Variants in FMNL2 observed in about 807,000 individuals in gnomAD.
FMNL2 encodes the protein formin like 2.
A neutral mutation model predicts 130.2 loss-of-function variants in FMNL2; 51 were observed. The ratio of observed to expected loss-of-function variants is 0.39; its 90% CI spans 0.31 to 0.49. FMNL2 has a LOEUF of 0.49. Ranked by LOEUF, FMNL2 falls within the 20% of genes least tolerant of loss-of-function variation. The probability of loss-of-function intolerance (pLI) is 0.85; values close to 1 mark genes in which losing one functional copy is unlikely to be tolerated. For missense variants in FMNL2, 977 were observed against 1,316.2 expected, an observed-to-expected ratio of 0.74 and a Z score of 3.99; for synonymous variants, 465 against 467.1, an observed-to-expected ratio of 1.00 and a Z score of 0.06.
rs117833274 is a variant in FMNL2, at chr2:152,614,045, A to G, written c.1063-806A>G. 2.5e-4 allele frequency among the ~76,000 whole-genome samples: 38 copies of G among 152,234 alleles called. No homozygotes were observed. In the East Asian group the frequency reaches 6.6e-3, roughly 26 times the overall value. On this transcript the variant is annotated intron_variant, in intron 11 of 25. Coordinates refer to ENST00000288670, the MANE Select transcript of FMNL2 (RefSeq NM_052905.4). ...GTTGGGCTCTAGCAATTTGTGCTAAAATAATCCCCAAGGCTAAGTATAAAC... is the reference window on the plus strand; with the variant it reads ...GTTGGGCTCTAGCAATTTGTGCTAAGATAATCCCCAAGGCTAAGTATAAAC...
At chr2:152,434,537 C>T (rs1005762978) in intron 1 of FMNL2, among the ~76,000 whole-genome samples, 1 of 152,048 alleles carries the variant, frequency 6.6e-6, no homozygotes, top group African/African-American at 2.4e-5. Flanking sequence ...CCCAGCTGGC[C>T]CCTGATTTTA....
intron 1 of FMNL2, among the ~76,000 whole-genome samples, chr2:152,490,710 A>G (rs1035449648): frequency 3.3e-5 from 5 of 149,670 alleles, no homozygotes; most frequent in African/African-American, 4.9e-5. Context: ...CTAAAACTCT[A>G]CAGGAAACAG....
intron 1 of FMNL2, among the ~76,000 whole-genome samples, chr2:152,385,699 A>G (rs991222828): frequency 2.6e-5 from 4 of 152,232 alleles, no homozygotes; most frequent in Admixed American, 2.0e-4. Flanking sequence ...TGCCATAGAA[A>G]TCTGTCAGTG....
At chr2:152,406,411 G>C (rs1456096142) in intron 1 of FMNL2, among the ~76,000 whole-genome samples, 1 of 152,198 alleles carries the variant, frequency 6.6e-6, no homozygotes, top group African/African-American at 2.4e-5. Context: ...ATCAGAGGAA[G>C]AGGAGGAAAG....
At chr2:152,492,999 T>A (rs573707709) in intron 1 of FMNL2, among the ~76,000 whole-genome samples, 91 of 152,128 alleles carry the variant, frequency 6.0e-4, no homozygotes, top group Non-Finnish European at 1.2e-3. Flanking sequence ...CCAACCATAA[T>A]TGTGGATAGA....
At chr2:152,438,720 C>T (rs1687905849) in intron 1 of FMNL2, among the ~76,000 whole-genome samples, 1 of 152,008 alleles carries the variant, frequency 6.6e-6, no homozygotes, top group Non-Finnish European at 1.5e-5. Context: ...AGGGAGGGCT[C>T]TTTGGTTTAG....
intron 10 of FMNL2, among the ~76,000 whole-genome samples, chr2:152,608,562 A>G (rs1475773916): frequency 6.7e-6 from 1 of 149,058 alleles, no homozygotes; most frequent in Non-Finnish European, 1.5e-5. Flanking sequence ...ATATATGTAT[A>G]TATATGTGTC....
chr2:152,635,832 T>A (rs1396639735), intron 21 of FMNL2, among the ~76,000 whole-genome samples: 3 of 152,172 alleles, frequency 2.0e-5, no homozygotes, highest in African/African-American at 7.2e-5. Context: ...ATACAACCTA[T>A]GGTCAACCGA....
chr2:152,405,685 A>C (rs1229619040), intron 1 of FMNL2, among the ~76,000 whole-genome samples: 1 of 152,212 alleles, frequency 6.6e-6, no homozygotes, highest in African/African-American at 2.4e-5. Context: ...TTTAGAAACA[A>C]AGGCCAAGTT....
chr2:152,584,130 T>C (rs1276784800), intron 9 of FMNL2, among the ~76,000 whole-genome samples: 2 of 150,564 alleles, frequency 1.3e-5, no homozygotes, highest in African/African-American at 4.9e-5. Flanking sequence ...GTGAGTGAAT[T>C]TTTTTTTTTT....
chr2:152,578,851 T>A (rs1306306722), intron 7 of FMNL2, 37 bp from the exon 8 acceptor site: 1 of 1,564,774 alleles, frequency 6.4e-7, no homozygotes, highest in Non-Finnish European at 8.7e-7. Flanking sequence ...TGTCTCCCAA[T>A]GCTTTGTGTT....
At chr2:152,598,254 C>T (rs1017047493) in intron 9 of FMNL2, among the ~76,000 whole-genome samples, 1 of 152,186 alleles carries the variant, frequency 6.6e-6, no homozygotes, top group African/African-American at 2.4e-5. Flanking sequence ...ATTGGATATG[C>T]TCAAAGGATG....
chr2:152,399,462 G>A (rs369248099), intron 1 of FMNL2, among the ~76,000 whole-genome samples: 56 of 152,300 alleles, frequency 3.7e-4, no homozygotes, highest in Middle Eastern at 6.8e-3. Context: ...TCATAGTATT[G>A]AAAGGAAGTA....
chr2:152,412,665 A>G (rs1686386203), intron 1 of FMNL2, among the ~76,000 whole-genome samples: 1 of 151,168 alleles, frequency 6.6e-6, no homozygotes, highest in Non-Finnish European at 1.5e-5. Context: ...AAAATTAGCC[A>G]GGTGTGGTTG....
At chr2:152,473,733 A>T (rs1264251964) in intron 1 of FMNL2, among the ~76,000 whole-genome samples, 1 of 152,248 alleles carries the variant, frequency 6.6e-6, no homozygotes, top group African/African-American at 2.4e-5. Context: ...AAAAGTCTTC[A>T]TAGAAAATAT....
chr2:152,490,447 C>CCCCA (rs1558907993), intron 1 of FMNL2, among the ~76,000 whole-genome samples: 1 of 152,010 alleles, frequency 6.6e-6, no homozygotes, highest in Non-Finnish European at 1.5e-5. Context: ...CCCTAAACAT[C>CCCCA]GACGTTCCTG....
intron 4 of FMNL2, among the ~76,000 whole-genome samples, chr2:152,552,255 A>C (rs1333213602): frequency 2.6e-5 from 4 of 152,216 alleles, no homozygotes; most frequent in Admixed American, 1.3e-4. Flanking sequence ...CTTGTTGCAA[A>C]TAATTACCTG....
intron 1 of FMNL2, among the ~76,000 whole-genome samples, chr2:152,366,945 A>G (rs978497097): frequency 1.4e-4 from 22 of 152,142 alleles, no homozygotes; most frequent in Admixed American, 1.4e-3. Flanking sequence ...TGATTGCACC[A>G]CTGTATTCCA....
chr2:152,467,416 C>T (rs1689611923), intron 1 of FMNL2, among the ~76,000 whole-genome samples: 1 of 152,094 alleles, frequency 6.6e-6, no homozygotes, highest in Admixed American at 6.5e-5. Context: ...CTTGCTTGTC[C>T]CGTTTGTTAA....
Sources: gnomAD v4.1 joint callset for allele counts (sites outside exome capture counted in the v4.1 genomes callset) on GRCh38, gnomAD v4.1.1 for gene constraint, MANE v1.5 for transcripts, NCBI Gene and HGNC (gene_info 2026-07-23, HGNC 2026-07-21) for gene names.